The following LTAP1 variants were observed in gnomAD, a reference collection of about 807,000 sequenced individuals.
LTAP1 encodes HCV NS5A-transactivated protein 4.
At chr1:154,215,207 TAAA>T in the LTAP1 span, among the ~76,000 whole-genome samples, 6 of 151,350 alleles carry the variant, frequency 4.0e-5, no homozygotes, top group Non-Finnish European at 1.5e-5. Flanking sequence ...GAGGCTACTT[TAAA>T]AAAAAATTAA....
At chr1:154,207,717 G>A in the LTAP1 span, 1 of 1,271,454 alleles carries the variant, frequency 7.9e-7, no homozygotes, top group South Asian at 1.4e-5. Context: ...CTTATCCCAG[G>A]CCATAAATGC....
chr1:154,219,754 C>G, the LTAP1 span: 1 of 1,007,180 alleles, frequency 9.9e-7, no homozygotes, highest in South Asian at 1.6e-5. Flanking sequence ...GAATTAAAGT[C>G]ATCACTAAAG....
chr1:154,210,995 TTTTTTAA>T, the LTAP1 span, among the ~76,000 whole-genome samples: 8 of 152,168 alleles, frequency 5.3e-5, no homozygotes, highest in Admixed American at 1.3e-4. Flanking sequence ...AAAAATAGAT[TTTTTTAA>T]TTTTTAATTT....
the LTAP1 span, chr1:154,213,294 A>G: frequency 1.3e-5 from 2 of 152,696 alleles, no homozygotes; most frequent in Non-Finnish European, 2.9e-5. Context: ...GCAACAGAGC[A>G]AGACTCCGTC....
chr1:154,216,131 C>T, the LTAP1 span, among the ~76,000 whole-genome samples: 2 of 152,128 alleles, frequency 1.3e-5, no homozygotes, highest in Non-Finnish European at 2.9e-5. Flanking sequence ...GCCACCGCGC[C>T]CGGCCCTACC....
chr1:154,216,794 G>A, the LTAP1 span, among the ~76,000 whole-genome samples: 4 of 151,702 alleles, frequency 2.6e-5, no homozygotes, highest in Non-Finnish European at 4.4e-5. Context: ...GATTACAGGC[G>A]TGAACCACCG....
chr1:154,212,550 G>A, the LTAP1 span: 1 of 1,614,234 alleles, frequency 6.2e-7, no homozygotes, highest in Non-Finnish European at 8.5e-7. Context: ...GTGTTTCGCA[G>A]ATCCAGCAGG....
chr1:154,212,560 G>A, the LTAP1 span: 1 of 1,614,234 alleles, frequency 6.2e-7, no homozygotes. Flanking sequence ...GATCCAGCAG[G>A]TAGGAGCGGA....
At chr1:154,219,348 G>T in the LTAP1 span, among the ~76,000 whole-genome samples, 2 of 152,130 alleles carry the variant, frequency 1.3e-5, no homozygotes, top group Admixed American at 6.6e-5. Flanking sequence ...AAGACCACTG[G>T]GTTATTCACT....
chr1:154,209,533 C>T, the LTAP1 span, among the ~76,000 whole-genome samples: 4 of 149,642 alleles, frequency 2.7e-5, no homozygotes, highest in Non-Finnish European at 4.4e-5. Context: ...ACAAGTGGTA[C>T]ACGCACCTCA....
At chr1:154,209,346 C>G in the LTAP1 span, among the ~76,000 whole-genome samples, 1 of 151,490 alleles carries the variant, frequency 6.6e-6, no homozygotes, top group Non-Finnish European at 1.5e-5. Flanking sequence ...GAATTTTGAA[C>G]AGGCTTCTGC....
At chr1:154,207,691 A>C in the LTAP1 span, 1 of 1,477,082 alleles carries the variant, frequency 6.8e-7, no homozygotes, top group Non-Finnish European at 9.2e-7. Flanking sequence ...ATGAGGACTA[A>C]TCAAAGAAAT....
the LTAP1 span, chr1:154,220,570 G>A: frequency 1.5e-6 from 1 of 686,280 alleles, no homozygotes; most frequent in Non-Finnish European, 2.5e-6. Context: ...TGGCGGACAG[G>A]CAGGAGAGCT....
At chr1:154,210,773 G>C in the LTAP1 span, among the ~76,000 whole-genome samples, 1 of 152,012 alleles carries the variant, frequency 6.6e-6, no homozygotes, top group African/African-American at 2.4e-5. Flanking sequence ...CACTGCGCCC[G>C]GCCTAAGTTT....
At chr1:154,215,321 C>T in the LTAP1 span, among the ~76,000 whole-genome samples, 1 of 151,792 alleles carries the variant, frequency 6.6e-6, no homozygotes. Context: ...AATCCCAACA[C>T]TTTGGGAGGC....
At chr1:154,209,442 T>C in the LTAP1 span, among the ~76,000 whole-genome samples, 3 of 150,480 alleles carry the variant, frequency 2.0e-5, no homozygotes, top group African/African-American at 4.9e-5. Context: ...TTTTTTTTTT[T>C]TGAGACAGTG....
At chr1:154,211,773 A>G in the LTAP1 span, 1 of 154,744 alleles carries the variant, frequency 6.5e-6, no homozygotes, top group Non-Finnish European at 1.4e-5. Flanking sequence ...TATTGGGCTA[A>G]ACAAAAGACA....
At chr1:154,206,961 TC>T in the LTAP1 span, 1 of 157,836 alleles carries the variant, frequency 6.3e-6, no homozygotes, top group South Asian at 1.9e-4. Flanking sequence ...TATTCCACAT[TC>T]ACCAACTTCC....
At chr1:154,219,816 C>G in the LTAP1 span, 12 of 1,541,736 alleles carry the variant, frequency 7.8e-6, no homozygotes, top group Non-Finnish European at 8.8e-6. Context: ...GTATGTTTAA[C>G]TTGTGCCCTA....
Sources: gnomAD v4.1 joint callset for allele counts (sites outside exome capture counted in the v4.1 genomes callset) on GRCh38, gnomAD v4.1.1 for gene constraint, MANE v1.5 for transcripts, NCBI Gene and HGNC (gene_info 2026-07-23, HGNC 2026-07-21) for gene names.